MAN2A1: variants seen among roughly 807,000 people sequenced by gnomAD.
MAN2A1 encodes alpha-mannosidase 2.
In MAN2A1, 76 loss-of-function variants were observed where a neutral mutation model predicts 142.6. That is an observed-to-expected ratio of 0.53 (90% CI 0.44 to 0.65). The LOEUF is 0.65. Among genes scored for constraint, MAN2A1 ranks in the 30% least tolerant of loss-of-function variants. The probability of loss-of-function intolerance (pLI) is 0.00; values close to 1 mark genes in which losing one functional copy is unlikely to be tolerated. For synonymous variants in MAN2A1, 559 were observed against 473.2 expected (o/e 1.18, Z -2.35); for missense variants, 1,311 against 1,365.1 (o/e 0.96, Z 0.62).
At position 109,764,624 on chromosome 5, in the gene MAN2A1, T is replaced by C. The variant is rs1752941850; in HGVS notation, c.836-2911T>C. On this transcript the variant is annotated intron_variant, in intron 5 of 21. Coordinates refer to ENST00000261483, the MANE Select transcript of MAN2A1 (RefSeq NM_002372.4). ...TAGTTTACACTTTCTCTTTTCTACATTATTTAGTCTCAGGGACTCTTTATT... is the reference window on the plus strand; with the variant it reads ...TAGTTTACACTTTCTCTTTTCTACACTATTTAGTCTCAGGGACTCTTTATT... Among the ~76,000 whole-genome samples, 3 of 152,266 alleles carry C rather than the reference T, an allele frequency of 2.0e-5. No individual in the cohort carries two copies. In the South Asian group the frequency reaches 6.2e-4, roughly 32 times the overall value.
At chr5:109,694,124 A>G (rs925144366) in intron 1 of MAN2A1, among the ~76,000 whole-genome samples, 20 of 152,238 alleles carry the variant, frequency 1.3e-4, no homozygotes, top group African/African-American at 4.6e-4. Flanking sequence ...CAGGTTTTGT[A>G]TAACAAATGA....
intron 12 of MAN2A1, among the ~76,000 whole-genome samples, chr5:109,815,543 G>A (rs765637615): frequency 2.0e-5 from 3 of 152,124 alleles, no homozygotes; most frequent in Non-Finnish European, 4.4e-5. Flanking sequence ...CATTCTTAAT[G>A]TCATTATCAC....
intron 4 of MAN2A1, among the ~76,000 whole-genome samples, chr5:109,752,741 G>A (rs994757132): frequency 6.6e-6 from 1 of 152,130 alleles, no homozygotes; most frequent in African/African-American, 2.4e-5. Context: ...TTTAATAAGT[G>A]GGAAGTTTTT....
At chr5:109,731,467 C>T (rs1255271825) in intron 4 of MAN2A1, among the ~76,000 whole-genome samples, 19 of 149,216 alleles carry the variant, frequency 1.3e-4, no homozygotes, top group East Asian at 2.0e-4. Flanking sequence ...CCCATTAACT[C>T]GTCATTTAGC....
At chr5:109,753,316 T>C (rs1439733027) in intron 4 of MAN2A1, among the ~76,000 whole-genome samples, 1 of 152,212 alleles carries the variant, frequency 6.6e-6, no homozygotes, top group African/African-American at 2.4e-5. Flanking sequence ...ACTAATTGTA[T>C]GCATAGGTCT....
chr5:109,805,363 T>G (rs1007711362), intron 12 of MAN2A1, among the ~76,000 whole-genome samples: 23 of 152,240 alleles, frequency 1.5e-4, no homozygotes, highest in African/African-American at 5.5e-4. Context: ...GTCCACATAT[T>G]TATTCTGCTT....
intron 7 of MAN2A1, among the ~76,000 whole-genome samples, chr5:109,771,226 G>C (rs999099369): frequency 6.6e-6 from 1 of 152,050 alleles, no homozygotes; most frequent in African/African-American, 2.4e-5. Flanking sequence ...AATTAGTAGT[G>C]TATTAAAATG....
intron 16 of MAN2A1, chr5:109,840,655 A>G (rs1755177799): frequency 4.4e-6 from 2 of 455,458 alleles, no homozygotes; most frequent in Non-Finnish European, 8.5e-6. Context: ...ACACATTTTC[A>G]GGTTCTACAG....
chr5:109,690,596 G>T, intron 1 of MAN2A1, 44 bp downstream of exon 1: 1 of 1,548,320 alleles, frequency 6.5e-7, no homozygotes. Flanking sequence ...GGGGCCAGGC[G>T]TGCGGGCCCC....
chr5:109,798,117 T>G, intron 12 of MAN2A1, among the ~76,000 whole-genome samples: 1 of 152,212 alleles, frequency 6.6e-6, no homozygotes, highest in Non-Finnish European at 1.5e-5. Flanking sequence ...GTCAATTTTA[T>G]TGTCAAACTA....
chr5:109,797,222 T>C (rs1330758498), intron 12 of MAN2A1, among the ~76,000 whole-genome samples: 1 of 152,070 alleles, frequency 6.6e-6, no homozygotes, highest in East Asian at 1.9e-4. Flanking sequence ...AGCTTACTTA[T>C]TAAAATGATT....
At chr5:109,745,910 C>A (rs1368262441) in intron 4 of MAN2A1, among the ~76,000 whole-genome samples, 16 of 152,212 alleles carry the variant, frequency 1.1e-4, no homozygotes, top group African/African-American at 3.9e-4. Context: ...AGCCACTGCA[C>A]TTGGTCCCAA....
chr5:109,859,565 C>T (rs951832221), intron 20 of MAN2A1, among the ~76,000 whole-genome samples: 2 of 152,166 alleles, frequency 1.3e-5, no homozygotes, highest in African/African-American at 4.8e-5. Flanking sequence ...CTTTCCCCTA[C>T]ACTATGAAGA....
intron 12 of MAN2A1, among the ~76,000 whole-genome samples, chr5:109,810,568 C>T (rs1318722305): frequency 6.6e-6 from 1 of 152,190 alleles, no homozygotes; most frequent in African/African-American, 2.4e-5. Context: ...AAAAAATCAA[C>T]TGTGTACCTG....
chr5:109,794,188 G>T (rs1341993823), intron 12 of MAN2A1: 1 of 152,094 alleles, frequency 6.6e-6, no homozygotes, highest in Non-Finnish European at 1.5e-5. Context: ...GGAGCTTAAC[G>T]GCGGAAGTGA....
At chr5:109,775,671 A>G (rs968678395) in intron 8 of MAN2A1, among the ~76,000 whole-genome samples, 3 of 152,112 alleles carry the variant, frequency 2.0e-5, no homozygotes, top group Admixed American at 6.6e-5. Context: ...CTCAGGTTTC[A>G]TATAGTTTCA....
At chr5:109,789,148 A>G in intron 11 of MAN2A1, 100 bp downstream of exon 11, 1 of 631,290 alleles carries the variant, frequency 1.6e-6, no homozygotes, top group East Asian at 2.9e-5. Context: ...ACATTGAAAT[A>G]TAATTTTTTG....
Position 109,690,341 on chromosome 5 carries a change from G to A in MAN2A1, c.-77G>A. ...AGCCCGGGAGAAGGGAGCCTCCGGC[G>A]GCTGCTTCCTAGAGTCCACAGTGCG... On this transcript the variant is annotated 5_prime_UTR_variant, in exon 1 of 22. Transcript: ENST00000261483. 3 of 1,520,230 alleles carry A rather than the reference G, an allele frequency of 2.0e-6. No individual in the cohort carries two copies. Among genetic ancestry groups the A allele is most frequent in the Non-Finnish European group, 1.8e-6 (2 of 1,097,344 alleles). 94.2% of individuals were successfully genotyped at this position (1,520,230 alleles called of 1,614,324 possible).
Position 109,690,293 on chromosome 5 carries a change from A to C in MAN2A1, c.-125A>C. On this transcript the variant is annotated 5_prime_UTR_variant, in exon 1 of 22. Coordinates refer to ENST00000261483, the MANE Select transcript of MAN2A1 (RefSeq NM_002372.4). ...GAGCAAGGCGGGGACTCGCACCCGC[A>C]TCCGAGAGCGCGGAGGTCGCGCAGC... is the stretch of plus-strand genomic sequence containing the variant. The C allele has an allele frequency of 1.0e-6, 1 of 986,730 alleles. No homozygotes were observed. Among genetic ancestry groups the C allele is most frequent in the East Asian group, 2.5e-5 (1 of 40,114 alleles). 61.1% of individuals were successfully genotyped at this position (986,730 alleles called of 1,614,324 possible).
Sources: gnomAD v4.1 joint callset for allele counts (sites outside exome capture counted in the v4.1 genomes callset) on GRCh38, gnomAD v4.1.1 for gene constraint, MANE v1.5 for transcripts, NCBI Gene and HGNC (gene_info 2026-07-23, HGNC 2026-07-21) for gene names.